The following TGFA variants were observed in gnomAD, a reference collection of about 807,000 sequenced individuals.
The protein encoded by TGFA is transforming growth factor alpha.
TGFA carries 12 observed loss-of-function variants against 21.7 expected under a neutral mutation model. The ratio of observed to expected loss-of-function variants is 0.55; its 90% CI spans 0.35 to 0.90. TGFA has a LOEUF of 0.90. Ranked by LOEUF, TGFA falls within the 40% of genes least tolerant of loss-of-function variation. TGFA has a pLI of 0.01. For missense variants in TGFA, 178 were observed against 210.8 expected (o/e 0.84, Z 0.96); for synonymous variants, 79 against 88.1 (o/e 0.90, Z 0.58).
At chr2:70,508,603 TAA>T (rs1672003204) in intron 2 of TGFA, among the ~76,000 whole-genome samples, 1 of 152,198 alleles carries the variant, frequency 6.6e-6, no homozygotes, top group African/African-American at 2.4e-5. Context: ...TTCATGCAAG[TAA>T]AGTGATGCAG....
Position 70,472,660 on chromosome 2 carries a change from C to G in TGFA, c.95-6924G>C, listed in dbSNP as rs367544805. On this transcript the variant is annotated intron_variant, in intron 2 of 5. Coordinates refer to ENST00000295400, the MANE Select transcript of TGFA (RefSeq NM_003236.4). The stretch of plus-strand genomic sequence containing the variant: ...AACAGCCCTGCTCCCCTGGGAGCAG[C>G]ATCCACACCCCTGAGCGCAATCACC... 3.9e-4 allele frequency among the ~76,000 whole-genome samples: 60 copies of G among 152,316 alleles called. 2 individuals are homozygous for G. The East Asian group carries it at 6.8e-3, about 17-fold the overall frequency.
At chr2:70,505,672 A>G (rs1332830393) in intron 2 of TGFA, among the ~76,000 whole-genome samples, 2 of 152,144 alleles carry the variant, frequency 1.3e-5, no homozygotes, top group Non-Finnish European at 2.9e-5. Context: ...GCTAAGTGAC[A>G]ACTAGGAAGG....
intron 1 of TGFA, among the ~76,000 whole-genome samples, chr2:70,529,159 C>G (rs3771485): frequency 0.24 from 36,150 of 152,128 alleles, 4,631 homozygotes; most frequent in East Asian, 0.39. Flanking sequence ...TTTTGGTTCA[C>G]CGTATTCTCA....
intron 1 of TGFA, among the ~76,000 whole-genome samples, chr2:70,552,692 G>T (rs1416519826): frequency 1.3e-5 from 2 of 152,338 alleles, no homozygotes; most frequent in East Asian, 3.9e-4. Flanking sequence ...CACGGAGCTG[G>T]GTGAGGCTGC....
chr2:70,450,483 G>A lies in TGFA; in HGVS notation c.*376C>T, dbSNP rs1011386194. The stretch of plus-strand genomic sequence containing the variant: ...TGTGTTGGGCAGAATTCTGTTGTGG[G>A]GAGGTGGCCCATTAAAAAGAAATAT... On this transcript the variant is annotated 3_prime_UTR_variant, in exon 6 of 6. Transcript: ENST00000295400. The A allele has an allele frequency of 4.6e-5, 9 of 196,726 alleles. No individual in the cohort carries two copies. Among genetic ancestry groups the A allele is most frequent in the African/African-American group, 1.2e-4 (5 of 43,380 alleles). The allele number at this position is 196,726 out of a possible 1,614,324, so 12.2% of individuals were successfully genotyped here. A position where few individuals can be genotyped will look rare whatever the true frequency, so the allele number is the denominator to read the frequency against.
At chr2:70,518,507 C>T (rs2103865604) in intron 1 of TGFA, among the ~76,000 whole-genome samples, 1 of 152,268 alleles carries the variant, frequency 6.6e-6, no homozygotes, top group South Asian at 2.1e-4. Context: ...ACCCATTTAG[C>T]TCATGAGTCC....
At chr2:70,531,143 G>A (rs573082468) in intron 1 of TGFA, among the ~76,000 whole-genome samples, 92 of 152,328 alleles carry the variant, frequency 6.0e-4, no homozygotes, top group Non-Finnish European at 1.1e-3. Flanking sequence ...TTCTGACTAA[G>A]AGCCAGACAG....
At chr2:70,550,202 A>C (rs571614834) in intron 1 of TGFA, among the ~76,000 whole-genome samples, 11 of 152,336 alleles carry the variant, frequency 7.2e-5, no homozygotes, top group African/African-American at 2.4e-4. Context: ...TTGCCATAAA[A>C]ATAATAAAGC....
chr2:70,491,679 C>T (rs1671441709), intron 2 of TGFA, among the ~76,000 whole-genome samples: 1 of 152,244 alleles, frequency 6.6e-6, no homozygotes, highest in African/African-American at 2.4e-5. Context: ...ATGCACATGA[C>T]TGTTGGCACT....
intron 2 of TGFA, among the ~76,000 whole-genome samples, chr2:70,478,120 C>T (rs1309553138): frequency 6.6e-6 from 1 of 152,308 alleles, no homozygotes; most frequent in Non-Finnish European, 1.5e-5. Context: ...GTTCTCCATC[C>T]TGGAGGGATC....
At chr2:70,492,370 G>A (rs3896307) in intron 2 of TGFA, among the ~76,000 whole-genome samples, 1,593 of 152,284 alleles carry the variant, frequency 0.01, 38 homozygotes, top group African/African-American at 0.037. Flanking sequence ...ATGGTCAATC[G>A]AGCATGGCCC....
At chr2:70,472,788 A>T (rs1670797624) in intron 2 of TGFA, among the ~76,000 whole-genome samples, 1 of 152,244 alleles carries the variant, frequency 6.6e-6, no homozygotes, top group Admixed American at 6.5e-5. Flanking sequence ...AAAAGTTGTG[A>T]ACACGTTTGC....
chr2:70,462,817 G>A (rs527333489), intron 3 of TGFA, among the ~76,000 whole-genome samples: 26 of 152,122 alleles, frequency 1.7e-4, no homozygotes, highest in Non-Finnish European at 3.2e-4. Context: ...GCATGGCCGT[G>A]CCTCCCCCAA....
intron 1 of TGFA, among the ~76,000 whole-genome samples, chr2:70,551,066 A>G (rs1673486463): frequency 1.7e-5 from 2 of 114,846 alleles, no homozygotes; most frequent in African/African-American, 2.9e-5. Flanking sequence ...GCCCAAAGTA[A>G]CAACAACAAT....
At chr2:70,454,005 G>GA (rs34051238) in intron 4 of TGFA, among the ~76,000 whole-genome samples, 35,208 of 144,418 alleles carry the variant, frequency 0.24, 4,429 homozygotes, top group East Asian at 0.31. Flanking sequence ...GACTTTGCAT[G>GA]AAAAAAAAAA....
chr2:70,491,007 A>G (rs1391660235), intron 2 of TGFA, among the ~76,000 whole-genome samples: 1 of 152,180 alleles, frequency 6.6e-6, no homozygotes, highest in Non-Finnish European at 1.5e-5. Context: ...ATATCACGAT[A>G]TTCGGTGGGG....
At chr2:70,458,580 A>G (rs1670312623) in intron 3 of TGFA, among the ~76,000 whole-genome samples, 1 of 152,152 alleles carries the variant, frequency 6.6e-6, no homozygotes, top group Non-Finnish European at 1.5e-5. Context: ...AGAATGAATG[A>G]ACAACTACCC....
At chr2:70,508,797 C>T (rs113001331) in intron 2 of TGFA, among the ~76,000 whole-genome samples, 7 of 152,272 alleles carry the variant, frequency 4.6e-5, no homozygotes, top group African/African-American at 1.7e-4. Flanking sequence ...TCATTCCACT[C>T]CTTCATTTTA....
chr2:70,450,598 G>A lies in TGFA; in HGVS notation c.*261C>T, dbSNP rs1249008954. ...GCACACACCTCACCTAGGTGAACAG[G>A]AGTCCGTCTCTTTGCAGTTCTTTTT... On this transcript the variant is annotated 3_prime_UTR_variant, in exon 6 of 6. Coordinates refer to ENST00000295400, the MANE Select transcript of TGFA (RefSeq NM_003236.4). 30 of 504,058 alleles carry A rather than the reference G, an allele frequency of 6.0e-5. 1 individual carries two copies. The South Asian group carries it at 8.2e-4, about 14-fold the overall frequency. The allele number at this position is 504,058 out of a possible 1,614,324, so 31.2% of individuals were successfully genotyped here.
Sources: gnomAD v4.1 joint callset for allele counts (sites outside exome capture counted in the v4.1 genomes callset) on GRCh38, gnomAD v4.1.1 for gene constraint, MANE v1.5 for transcripts, NCBI Gene and HGNC (gene_info 2026-07-23, HGNC 2026-07-21) for gene names.